The following NRG1 variants were observed in gnomAD, a reference collection of about 807,000 sequenced individuals.
NRG1 encodes the protein pro-neuregulin-1, membrane-bound isoform.
Under a neutral mutation model 63.8 loss-of-function variants are expected in NRG1, and 18 were observed. That is an observed-to-expected ratio of 0.28 (90% CI 0.19 to 0.42). The LOEUF is 0.42. Ranked by LOEUF, NRG1 falls within the 10% of genes least tolerant of loss-of-function variation. NRG1 has a pLI of 1.00. For synonymous variants in NRG1, 302 were observed against 301.3 expected (o/e 1.00, Z -0.02); for missense variants, 762 against 814.7 (o/e 0.94, Z 0.79).
At chr8:31,944,724 C>T (rs1403502859) in intron 1 of NRG1, among the ~76,000 whole-genome samples, 1 of 152,168 alleles carries the variant, frequency 6.6e-6, no homozygotes, top group Non-Finnish European at 1.5e-5. Flanking sequence ...TAATGTTATA[C>T]TGAGTGATTA....
intron 1 of NRG1, among the ~76,000 whole-genome samples, chr8:32,313,012 G>C (rs567322695): frequency 6.6e-6 from 1 of 152,060 alleles, no homozygotes; most frequent in African/African-American, 2.4e-5. Context: ...AATTAGCCGC[G>C]TGTGGTGGTG....
intron 1 of NRG1, among the ~76,000 whole-genome samples, chr8:31,981,054 T>A (rs917884119): frequency 3.3e-5 from 5 of 152,050 alleles, no homozygotes; most frequent in African/African-American, 1.2e-4. Flanking sequence ...GGTTTAGAAA[T>A]CTGTAGAGTG....
chr8:32,754,905 A>C (rs1177619717), intron 8 of NRG1, among the ~76,000 whole-genome samples: 3 of 152,214 alleles, frequency 2.0e-5, no homozygotes, highest in Non-Finnish European at 4.4e-5. Context: ...GACTGCATTC[A>C]GGGTGCAGTA....
chr8:32,491,039 T>A (rs1024835929), intron 1 of NRG1, among the ~76,000 whole-genome samples: 1 of 152,220 alleles, frequency 6.6e-6, no homozygotes, highest in Non-Finnish European at 1.5e-5. Flanking sequence ...GAACTAATTT[T>A]TCCCCCTTCA....
At chr8:32,116,640 A>G (rs1298457409) in intron 1 of NRG1, among the ~76,000 whole-genome samples, 1 of 152,102 alleles carries the variant, frequency 6.6e-6, no homozygotes, top group Non-Finnish European at 1.5e-5. Context: ...TTTCCCTTCT[A>G]ACAGCTGGCT....
At position 32,740,250 on chromosome 8, in the gene NRG1, C is replaced by A. The variant is rs533073591; in HGVS notation, c.633-2425C>A. 4.4e-3 allele frequency among the ~76,000 whole-genome samples: 571 copies of A among 129,288 alleles called. 4 individuals are homozygous for A. Among genetic ancestry groups the A allele is most frequent in the Admixed American group, 7.3e-3 (78 of 10,654 alleles). The allele number at this position is 129,288 out of a possible 152,430, so 84.8% of individuals were successfully genotyped here. A position where few individuals can be genotyped will look rare whatever the true frequency, so the allele number is the denominator to read the frequency against. ...TGCTCTTGTCTCCCAGGCTGGAGTGCAATGGCACGATCTCAGCTTACTGCA... is the reference window on the plus strand; with the variant it reads ...TGCTCTTGTCTCCCAGGCTGGAGTGAAATGGCACGATCTCAGCTTACTGCA... On this transcript the variant is annotated intron_variant, in intron 6 of 11. Coordinates refer to ENST00000356819, the Ensembl canonical transcript of NRG1.
chr8:31,680,923 A>G (rs1451482892), intron 1 of NRG1, among the ~76,000 whole-genome samples: 1 of 152,180 alleles, frequency 6.6e-6, no homozygotes, highest in African/African-American at 2.4e-5. Flanking sequence ...CCCAGATATT[A>G]AAACTGTGTA....
rs1185240514 is a variant in NRG1, at chr8:32,374,598, T to G, written c.38-221230T>G. On this transcript the variant is annotated intron_variant, in intron 1 of 10. Coordinates refer to the NRG1 transcript ENST00000519301. ...CTTTGGAAAACAGAGCAAAACCAAA[T>G]TAGTGATTCCCCTCTTCTGCCTCCC... Among the ~76,000 whole-genome samples the G allele has an allele frequency of 2.0e-5, 3 of 152,134 alleles. No homozygotes were observed. In the East Asian group the frequency reaches 5.8e-4, roughly 29 times the overall value.
intron 1 of NRG1, among the ~76,000 whole-genome samples, chr8:32,009,214 CAGTA>C (rs1814323540): frequency 1.3e-5 from 2 of 152,188 alleles, no homozygotes; most frequent in Non-Finnish European, 1.5e-5. Context: ...ATAGGAACCA[CAGTA>C]AGTATCACCT....
At chr8:32,050,599 A>C (rs1821823527) in intron 1 of NRG1, among the ~76,000 whole-genome samples, 1 of 152,084 alleles carries the variant, frequency 6.6e-6, no homozygotes, top group Admixed American at 6.6e-5. Context: ...ACACATACCC[A>C]ACCATACATA....
chr8:32,519,485 T>G (rs1269672779), intron 1 of NRG1, among the ~76,000 whole-genome samples: 1 of 69,228 alleles, frequency 1.4e-5, no homozygotes, highest in East Asian at 6.6e-4. Context: ...ATAACATCTA[T>G]GAAAATAATA....
At chr8:32,356,772 A>G (rs1262764713) in intron 1 of NRG1, among the ~76,000 whole-genome samples, 1 of 152,332 alleles carries the variant, frequency 6.6e-6, no homozygotes, top group South Asian at 2.1e-4. Flanking sequence ...CTCTGACTCA[A>G]GACACACCCA....
intron 1 of NRG1, among the ~76,000 whole-genome samples, chr8:32,390,008 C>T (rs1811518811): frequency 6.6e-6 from 1 of 152,160 alleles, no homozygotes; most frequent in Non-Finnish European, 1.5e-5. Flanking sequence ...GATCTGTCCA[C>T]CTTGGCCTCC....
chr8:32,124,849 T>C (rs1288421288), intron 1 of NRG1, among the ~76,000 whole-genome samples: 2 of 151,934 alleles, frequency 1.3e-5, no homozygotes, highest in Non-Finnish European at 2.9e-5. Context: ...TTGCCTCAGT[T>C]AATTCTCTTA....
chr8:32,041,117 ACTAT>A lies in NRG1; in HGVS notation c.37+401690_37+401693del, dbSNP rs1177786801. On this transcript the variant is annotated intron_variant, in intron 1 of 10. Transcript: ENST00000519301. ...GGATAACTTCATTATGTAGAAGCTGACTATCTAATTTGTAATTATTTTTATAGAA... is the reference window on the plus strand; with the variant it reads ...GGATAACTTCATTATGTAGAAGCTGACTAATTTGTAATTATTTTTATAGAA... 2.0e-5 allele frequency among the ~76,000 whole-genome samples: 3 copies of A among 152,114 alleles called. No homozygotes were observed. The East Asian group carries it at 5.8e-4, about 29-fold the overall frequency.
At chr8:31,930,997 T>G (rs1461236550) in intron 1 of NRG1, among the ~76,000 whole-genome samples, 2 of 152,214 alleles carry the variant, frequency 1.3e-5, no homozygotes, top group African/African-American at 4.8e-5. Context: ...CATTTCTCTG[T>G]CTTAAGTAAG....
At position 32,185,207 on chromosome 8, in the gene NRG1, T is replaced by A. The variant is rs74790899; in HGVS notation, c.38-410621T>A. On this transcript the variant is annotated intron_variant, in intron 1 of 10. Transcript: ENST00000519301. ...GCACACATCTTCAGTACTTGAGGCA[T>A]TAACCTGCAGAACCATAACACCGTG... Among the ~76,000 whole-genome samples, 966 of 152,294 alleles carry A rather than the reference T, an allele frequency of 6.3e-3. 5 individuals carry two copies. Among genetic ancestry groups the A allele is most frequent in the Non-Finnish European group, 0.01 (688 of 68,024 alleles).
chr8:32,730,196 T>G (rs1369711154), intron 6 of NRG1, among the ~76,000 whole-genome samples: 1 of 152,116 alleles, frequency 6.6e-6, no homozygotes, highest in Admixed American at 6.6e-5. Context: ...GCCTGTAATC[T>G]CAACACTTTA....
chr8:31,736,833 A>G (rs986070160), intron 1 of NRG1, among the ~76,000 whole-genome samples: 2 of 152,152 alleles, frequency 1.3e-5, no homozygotes, highest in African/African-American at 4.8e-5. Context: ...GTTATTTGTC[A>G]TATGTATGTA....
Sources: allele counts gnomAD v4.1 joint callset (sites outside exome capture counted in the v4.1 genomes callset), GRCh38; gene constraint gnomAD v4.1.1; transcripts MANE v1.5; gene names NCBI Gene and HGNC (gene_info 2026-07-23, HGNC 2026-07-21).